The following RARB variants were observed in gnomAD, a reference collection of about 807,000 sequenced individuals.
RARB encodes retinoic acid receptor beta.
Under a neutral mutation model 51.9 loss-of-function variants are expected in RARB, and 17 were observed. The ratio of observed to expected loss-of-function variants is 0.33; its 90% CI spans 0.22 to 0.49. RARB has a LOEUF of 0.49. RARB is among the 20% of genes least tolerant of loss of function. RARB has a pLI of 0.99. For synonymous variants in RARB, 215 were observed against 195.4 expected (o/e 1.10, Z -0.84); for missense variants, 369 against 550.8 (o/e 0.67, Z 3.30).
chr3:25,404,099 T>C (rs900026242), intron 5 of RARB, among the ~76,000 whole-genome samples: 1 of 152,170 alleles, frequency 6.6e-6, no homozygotes. Context: ...ATGCTTCAAC[T>C]GCTCGATTCT....
At chr3:25,229,052 G>A (rs10510560) in intron 5 of RARB, among the ~76,000 whole-genome samples, 15,466 of 152,074 alleles carry the variant, frequency 0.1, 982 homozygotes, top group South Asian at 0.26. Context: ...CTAAGGGATC[G>A]ACTATTGTCT....
intron 2 of RARB, among the ~76,000 whole-genome samples, chr3:24,903,107 T>C (rs1703642161): frequency 6.6e-6 from 1 of 152,108 alleles, no homozygotes; most frequent in Admixed American, 6.5e-5. Flanking sequence ...AAGTAGTAAA[T>C]ACATTTCTAA....
intron 2 of RARB, among the ~76,000 whole-genome samples, chr3:24,908,925 C>T (rs1457565589): frequency 3.3e-5 from 5 of 151,986 alleles, no homozygotes; most frequent in East Asian, 1.9e-4. Flanking sequence ...TTCAACTCCC[C>T]GTAATGGCTA....
chr3:25,304,460 A>C (rs1318293832), intron 5 of RARB, among the ~76,000 whole-genome samples: 1 of 152,038 alleles, frequency 6.6e-6, no homozygotes, highest in African/African-American at 2.4e-5. Context: ...TTTCTTCACT[A>C]TTCAACTTGT....
intron 5 of RARB, among the ~76,000 whole-genome samples, chr3:25,304,806 G>A (rs1704119522): frequency 6.6e-6 from 1 of 152,108 alleles, no homozygotes; most frequent in Non-Finnish European, 1.5e-5. Context: ...CCTATTCAAA[G>A]CTCTCTAATG....
At chr3:25,468,167 A>G (rs1182028777) in intron 2 of RARB, among the ~76,000 whole-genome samples, 1 of 152,136 alleles carries the variant, frequency 6.6e-6, no homozygotes. Context: ...GCCTATCTGT[A>G]AAATGAAAGC....
intron 3 of RARB, among the ~76,000 whole-genome samples, chr3:25,075,357 C>T (rs1698851524): frequency 6.6e-6 from 1 of 152,162 alleles, no homozygotes; most frequent in African/African-American, 2.4e-5. Context: ...GTTTCAGTGG[C>T]AGCATTATGT....
chr3:25,438,352 G>T (rs1275764587), intron 1 of RARB, among the ~76,000 whole-genome samples: 1 of 152,158 alleles, frequency 6.6e-6, no homozygotes, highest in Non-Finnish European at 1.5e-5. Context: ...CTACCTTTCA[G>T]TTTGGGAGAG....
chr3:25,473,928 A>AAAAAAAAAAAC (rs1695832327), intron 2 of RARB, among the ~76,000 whole-genome samples: 1 of 151,730 alleles, frequency 6.6e-6, no homozygotes, highest in African/African-American at 2.4e-5. Flanking sequence ...CAGGAAAAAA[A>AAAAAAAAAAAC]AAAAACCTTT....
At chr3:25,021,295 C>T (rs1173536216) in intron 2 of RARB, among the ~76,000 whole-genome samples, 1 of 152,144 alleles carries the variant, frequency 6.6e-6, no homozygotes, top group Non-Finnish European at 1.5e-5. Flanking sequence ...GTATTTATGT[C>T]AGTCAAGGAT....
At chr3:25,454,661 C>T (rs1030332688) in intron 1 of RARB, among the ~76,000 whole-genome samples, 10 of 151,290 alleles carry the variant, frequency 6.6e-5, no homozygotes, top group African/African-American at 1.9e-4. Context: ...TCGTTTTAGC[C>T]AGCCGTAAAT....
intron 5 of RARB, among the ~76,000 whole-genome samples, chr3:25,183,421 T>C (rs1575202632): frequency 6.6e-6 from 1 of 152,176 alleles, no homozygotes; most frequent in South Asian, 2.1e-4. Flanking sequence ...CAAACTCCCA[T>C]CTCCTTTCTT....
At chr3:24,897,022 C>T (rs564249910) in intron 2 of RARB, among the ~76,000 whole-genome samples, 5 of 152,306 alleles carry the variant, frequency 3.3e-5, no homozygotes, top group Admixed American at 6.5e-5. Flanking sequence ...TCATGGAAAA[C>T]GACTGGAAGT....
intron 2 of RARB, among the ~76,000 whole-genome samples, chr3:25,055,978 A>G (rs1034008093): frequency 3.3e-5 from 5 of 152,114 alleles, no homozygotes; most frequent in African/African-American, 1.2e-4. Flanking sequence ...CTCCATGATT[A>G]TCGTTAAATG....
intron 3 of RARB, among the ~76,000 whole-genome samples, chr3:25,512,399 G>A (rs993526349): frequency 3.3e-5 from 5 of 152,202 alleles, no homozygotes; most frequent in African/African-American, 1.2e-4. Flanking sequence ...TGAGCCAGGT[G>A]ATCTGATGTT....
At chr3:25,230,943 C>G (rs1024249052) in intron 5 of RARB, among the ~76,000 whole-genome samples, 2 of 152,118 alleles carry the variant, frequency 1.3e-5, no homozygotes, top group Non-Finnish European at 2.9e-5. Context: ...CTATAAGATT[C>G]ATTTTTTGTT....
intron 2 of RARB, among the ~76,000 whole-genome samples, chr3:24,980,278 G>T (rs78015553): frequency 6.6e-6 from 1 of 152,046 alleles, no homozygotes; most frequent in Non-Finnish European, 1.5e-5. Context: ...GAGTATCTTT[G>T]TGGTGTTCTC....
At chr3:25,507,212 C>T (rs1020241533) in intron 3 of RARB, among the ~76,000 whole-genome samples, 4 of 152,230 alleles carry the variant, frequency 2.6e-5, no homozygotes, top group Non-Finnish European at 1.5e-5. Context: ...CACCTTGTAG[C>T]CCCTGAATAT....
At chr3:25,123,762 G>A (rs946410096) in intron 3 of RARB, among the ~76,000 whole-genome samples, 3 of 152,126 alleles carry the variant, frequency 2.0e-5, no homozygotes, top group Non-Finnish European at 2.9e-5. Context: ...TAGGCTTAGC[G>A]TTTGAAAATC....
Sources: allele counts gnomAD v4.1 joint callset (sites outside exome capture counted in the v4.1 genomes callset), GRCh38; gene constraint gnomAD v4.1.1; transcripts MANE v1.5; gene names NCBI Gene and HGNC (gene_info 2026-07-23, HGNC 2026-07-21).